The following GAB3 variants were observed in gnomAD, a reference collection of about 807,000 sequenced individuals.
The protein encoded by GAB3 is GRB2-associated-binding protein 3.
Under a neutral mutation model 40.4 loss-of-function variants are expected in GAB3, and 12 were observed. The observed-to-expected ratio is 0.30, with a 90% CI of 0.19 to 0.48. The LOEUF (loss-of-function observed/expected upper bound fraction) is 0.48. GAB3 is among the 20% of genes least tolerant of loss of function. The pLI, the probability that GAB3 is intolerant of heterozygous loss-of-function variation, is 0.99. For synonymous variants in GAB3, 154 were observed against 176.7 expected (o/e 0.87, Z 1.02); for missense variants, 381 against 461.9 (o/e 0.82, Z 1.61).
At chrX:154,700,175 C>G in intron 4 of GAB3, 116 bp from the exon 5 acceptor site, 1 of 534,787 alleles carries the variant, frequency 1.9e-6, no homozygotes, top group Non-Finnish European at 3.1e-6. Context: ...GCTGGGCAGT[C>G]AGAACACATT....
chrX:154,732,975 G>C (rs1204302300), intron 1 of GAB3, among the ~76,000 whole-genome samples: 1 of 111,909 alleles, frequency 8.9e-6, no homozygotes, highest in African/African-American at 3.3e-5. Context: ...TTATCCCCAG[G>C]TACTTGGAGA....
chrX:154,741,443 C>T (rs1018454289), intron 1 of GAB3, among the ~76,000 whole-genome samples: 5 of 110,309 alleles, frequency 4.5e-5, no homozygotes, highest in East Asian at 2.8e-4. Context: ...TTTGGGAGGC[C>T]GAGGCGGGTG....
intron 1 of GAB3, among the ~76,000 whole-genome samples, chrX:154,728,315 C>T (rs910443869): frequency 8.9e-6 from 1 of 112,156 alleles, no homozygotes; most frequent in Non-Finnish European, 1.9e-5. Flanking sequence ...TTGACTGAAT[C>T]TGCCAAAAGG....
At chrX:154,746,855 T>C (rs1475512525) in intron 1 of GAB3, among the ~76,000 whole-genome samples, 3 of 112,115 alleles carry the variant, frequency 2.7e-5, no homozygotes, top group African/African-American at 6.5e-5. Context: ...AAAACAACTC[T>C]GAGAAAGAAA....
intron 4 of GAB3, among the ~76,000 whole-genome samples, chrX:154,700,371 C>T (rs2070723590): frequency 9.0e-6 from 1 of 111,069 alleles, no homozygotes; most frequent in Non-Finnish European, 1.9e-5. Context: ...TTGAAATATT[C>T]CTTGTAACGA....
At chrX:154,690,019 C>T (rs2070529193) in intron 8 of GAB3, among the ~76,000 whole-genome samples, 4 of 111,119 alleles carry the variant, frequency 3.6e-5, no homozygotes, top group East Asian at 5.6e-4. Context: ...TCAAACTGTA[C>T]TACAAAGCTA....
At position 154,716,160 on chromosome X, in the gene GAB3, T is replaced by C. The variant is rs2071042535; in HGVS notation, c.242A>G (p.Gln81Arg). Residue 81 changes from glutamine to arginine, a missense_variant, in exon 2 of 10, where the codon CAG becomes CGG. By Grantham distance (43) the Gln-to-Arg change is conservative. Transcript: ENST00000424127. ...VGPSFVRKEF[Q>R]NNFVFIVKTT... ...CTTGACAATGAACACGAAATTATTC[T>C]GAAATTCCTTCCGAACAAAGCTGGG... 4 of 1,212,272 alleles carry C rather than the reference T, an allele frequency of 3.3e-6. No homozygotes were observed. Among genetic ancestry groups the C allele is most frequent in the Non-Finnish European group, 4.5e-6 (4 of 895,547 alleles).
chrX:154,702,207 CA>C (rs1557252419), intron 4 of GAB3, among the ~76,000 whole-genome samples: 1 of 111,962 alleles, frequency 8.9e-6, no homozygotes, highest in East Asian at 2.8e-4. Context: ...AACAAATCCA[CA>C]CACCTACAGT....
chrX:154,718,460 T>C (rs1434266135), intron 1 of GAB3, among the ~76,000 whole-genome samples: 1 of 111,353 alleles, frequency 9.0e-6, no homozygotes, highest in Non-Finnish European at 1.9e-5. Context: ...TAAGTCCATG[T>C]TTTTAAGACA....
chrX:154,691,184 C>T (rs1210435853), intron 8 of GAB3, among the ~76,000 whole-genome samples: 4 of 101,668 alleles, frequency 3.9e-5, no homozygotes, highest in Non-Finnish European at 5.9e-5. Context: ...AACCAAACAC[C>T]GCATGTTCTC....
At chrX:154,750,272 G>A (rs2071592683) in intron 1 of GAB3, among the ~76,000 whole-genome samples, 1 of 112,401 alleles carries the variant, frequency 8.9e-6, no homozygotes. Flanking sequence ...GAACGTTTGA[G>A]GTGTCGATAG....
intron 4 of GAB3, among the ~76,000 whole-genome samples, chrX:154,711,096 G>C (rs782138893): frequency 8.9e-6 from 1 of 112,056 alleles, no homozygotes; most frequent in Admixed American, 9.5e-5. Flanking sequence ...GTTTTTACTA[G>C]TGACTTAATT....
At chrX:154,709,606 C>T (rs889896276) in intron 4 of GAB3, among the ~76,000 whole-genome samples, 15 of 109,796 alleles carry the variant, frequency 1.4e-4, no homozygotes, top group African/African-American at 3.6e-4. Flanking sequence ...TCTGAGCCAC[C>T]GCACCCAGCC....
At chrX:154,732,344 G>A (rs1320129326) in intron 1 of GAB3, among the ~76,000 whole-genome samples, 1 of 111,557 alleles carries the variant, frequency 9.0e-6, no homozygotes, top group Non-Finnish European at 1.9e-5. Context: ...TGGTGTTATC[G>A]GACATAATAT....
At chrX:154,689,817 A>G (rs1229878062) in intron 8 of GAB3, among the ~76,000 whole-genome samples, 12 of 103,296 alleles carry the variant, frequency 1.2e-4, no homozygotes, top group African/African-American at 3.4e-4. Flanking sequence ...GGAAGAATCA[A>G]TATCGTGAAA....
chrX:154,677,758 T>C lies in GAB3; in HGVS notation c.*420A>G, dbSNP rs1411928082. Reference sequence around the variant, plus strand: ...GCCACCATTGCTGGGCTTGATCTCCTCAACTGTCTTCAGAGGCTGGAACAA... The same window carrying C: ...GCCACCATTGCTGGGCTTGATCTCCCCAACTGTCTTCAGAGGCTGGAACAA... On this transcript the variant is annotated 3_prime_UTR_variant, in exon 10 of 10. Transcript: ENST00000424127. The C allele has an allele frequency of 1.1e-5, 2 of 180,710 alleles. No individual in the cohort carries two copies. The highest frequency in any genetic ancestry group is 2.0e-5 in the Non-Finnish European group (2 of 98,493). 14.9% of individuals were successfully genotyped at this position (180,710 alleles called of 1,213,427 possible).
intron 1 of GAB3, among the ~76,000 whole-genome samples, chrX:154,732,245 T>C (rs2071302144): frequency 8.9e-6 from 1 of 111,941 alleles, no homozygotes; most frequent in Non-Finnish European, 1.9e-5. Context: ...CATCATTTTG[T>C]AAAAATGAGC....
intron 8 of GAB3, among the ~76,000 whole-genome samples, chrX:154,683,949 G>C (rs7886842): frequency 0.026 from 2,904 of 111,309 alleles, 87 homozygotes; most frequent in African/African-American, 0.089. Context: ...TTTTGTGGCT[G>C]CATAATACAA....
intron 6 of GAB3, 61 bp from the exon 7 acceptor site, chrX:154,697,274 T>C (rs1370114514): frequency 1.2e-6 from 1 of 813,955 alleles, no homozygotes; most frequent in Non-Finnish European, 1.7e-6. Flanking sequence ...TGTAAAACTA[T>C]GACATTTCAC....
Sources: gnomAD v4.1 joint callset for allele counts (sites outside exome capture counted in the v4.1 genomes callset) on GRCh38, gnomAD v4.1.1 for gene constraint, MANE v1.5 for transcripts, NCBI Gene and HGNC (gene_info 2026-07-23, HGNC 2026-07-21) for gene names.